Variants in ADAMTSL1 observed in about 807,000 individuals in gnomAD.
ADAMTSL1 encodes the protein ADAMTS like 1, also known as ADAMTS-like protein 1.
In ADAMTSL1, 126 loss-of-function variants were observed where a neutral mutation model predicts 201.8. The observed-to-expected ratio is 0.62, with a 90% CI of 0.54 to 0.72. The LOEUF (loss-of-function observed/expected upper bound fraction) is 0.72, where lower values mean the gene tolerates loss of function less well. ADAMTSL1 is among the 30% of genes least tolerant of loss of function. The probability of loss-of-function intolerance (pLI) is 0.00; values close to 1 mark genes in which losing one functional copy is unlikely to be tolerated. For synonymous variants in ADAMTSL1, 1,121 were observed against 903.4 expected (o/e 1.24, Z -4.32); for missense variants, 2,679 against 2,277.8 (o/e 1.18, Z -3.59).
In ADAMTSL1 at chr9:18,905,783, G is replaced by T. The variant is rs1003280833; in HGVS notation, c.4853G>T (p.Cys1618Phe). The change falls in exon 27 of 29, where the codon TGC becomes TTC. Residue 1618 changes from cysteine to phenylalanine, a missense_variant and splice_region_variant. By Grantham distance (205) the Cys-to-Phe change is radical. Transcript: ENST00000380548. ...ATGTTACCTTTTTCTGCTTTCCAGT[G>T]CAATGGGCCTTGCATCGGGCCTCAC... The part of the protein sequence containing the change: ...VEWAFSSWGQ[C>F]NGPCIGPHLA... 6.2e-7 allele frequency: 1 copy of T among 1,612,238 alleles called. No homozygotes were observed. Among genetic ancestry groups the T allele is most frequent in the Admixed American group, 1.7e-5 (1 of 59,862 alleles).
At chr9:18,014,650 G>A (rs751419486) in intron 1 of ADAMTSL1, among the ~76,000 whole-genome samples, 2 of 152,066 alleles carry the variant, frequency 1.3e-5, no homozygotes, top group Non-Finnish European at 2.9e-5. Flanking sequence ...AGTTTTAACC[G>A]TAGGTTTCAA....
chr9:18,844,605 GCTGT>G (rs976224191), intron 23 of ADAMTSL1, among the ~76,000 whole-genome samples: 1 of 152,188 alleles, frequency 6.6e-6, no homozygotes, highest in African/African-American at 2.4e-5. Flanking sequence ...AGAGGTTACT[GCTGT>G]CTTTTTGTTT....
At chr9:18,474,597 G>A (rs1821359607) in intron 1 of ADAMTSL1, among the ~76,000 whole-genome samples, 1 of 152,088 alleles carries the variant, frequency 6.6e-6, no homozygotes, top group Non-Finnish European at 1.5e-5. Context: ...CTGTATATAT[G>A]GTGGTGTGTA....
intron 4 of ADAMTSL1, among the ~76,000 whole-genome samples, chr9:18,620,624 C>G (rs1014561899): frequency 6.6e-6 from 1 of 152,170 alleles, no homozygotes; most frequent in Admixed American, 6.5e-5. Context: ...CTTAAGCCAG[C>G]ACATGTTTGG....
At chr9:18,666,993 A>T (rs1178348213) in intron 9 of ADAMTSL1, among the ~76,000 whole-genome samples, 1 of 147,234 alleles carries the variant, frequency 6.8e-6, no homozygotes, top group Non-Finnish European at 1.5e-5. Context: ...TTTTCTCTCC[A>T]AGGCAGTAAT....
intron 2 of ADAMTSL1, among the ~76,000 whole-genome samples, chr9:18,280,988 G>A (rs774647911): frequency 2.0e-5 from 3 of 149,206 alleles, no homozygotes; most frequent in Non-Finnish European, 4.4e-5. Flanking sequence ...TGATCCTTCC[G>A]CCTCAGCCTC....
intron 2 of ADAMTSL1, among the ~76,000 whole-genome samples, chr9:18,189,671 C>G (rs1021289386): frequency 2.6e-5 from 4 of 152,084 alleles, no homozygotes; most frequent in Admixed American, 6.6e-5. Context: ...AGGGTAAAAG[C>G]CTGATAGCAA....
At chr9:18,066,704 A>C (rs1470465528) in intron 1 of ADAMTSL1, among the ~76,000 whole-genome samples, 1 of 152,240 alleles carries the variant, frequency 6.6e-6, no homozygotes, top group Non-Finnish European at 1.5e-5. Flanking sequence ...TCAAAATAGC[A>C]GTGGGTTCAG....
At chr9:18,569,914 G>C (rs1347482266) in intron 3 of ADAMTSL1, among the ~76,000 whole-genome samples, 2 of 152,104 alleles carry the variant, frequency 1.3e-5, no homozygotes, top group Non-Finnish European at 2.9e-5. Flanking sequence ...TCTACATTCA[G>C]TATTCCTTAA....
intron 23 of ADAMTSL1, among the ~76,000 whole-genome samples, chr9:18,830,446 A>G (rs16937127): frequency 0.042 from 6,392 of 152,322 alleles, 202 homozygotes; most frequent in East Asian, 0.17. Context: ...TATTTAGACC[A>G]GCTTTCTGTA....
At chr9:18,217,991 A>G (rs182577936) in intron 2 of ADAMTSL1, among the ~76,000 whole-genome samples, 2 of 152,326 alleles carry the variant, frequency 1.3e-5, no homozygotes, top group Admixed American at 1.3e-4. Context: ...AAATTAAATC[A>G]AAACCAGCTA....
intron 2 of ADAMTSL1, among the ~76,000 whole-genome samples, chr9:18,294,614 T>A (rs189394763): frequency 6.6e-6 from 1 of 152,100 alleles, no homozygotes; most frequent in East Asian, 1.9e-4. Context: ...TTGAACTGAG[T>A]GGGAAGGGAA....
At chr9:18,336,794 G>T (rs1835259690) in intron 2 of ADAMTSL1, among the ~76,000 whole-genome samples, 1 of 152,024 alleles carries the variant, frequency 6.6e-6, no homozygotes, top group Non-Finnish European at 1.5e-5. Flanking sequence ...TTCTATTTTT[G>T]TCTATTTATA....
intron 2 of ADAMTSL1, among the ~76,000 whole-genome samples, chr9:18,248,708 C>T (rs10963536): frequency 0.029 from 4,406 of 152,222 alleles, 77 homozygotes; most frequent in Middle Eastern, 0.041. Context: ...TCGTCCATTG[C>T]GGGGGGCCAT....
Position 18,603,071 on chromosome 9 carries a change from C to T in ADAMTSL1, c.475-19172C>T, listed in dbSNP as rs144378293. ...AATAATATTTTAAAACACCAACTAA[C>T]ATCCACTTACTTTTGTTCTTCTTCA... On this transcript the variant is annotated intron_variant, in intron 4 of 28. Transcript: ENST00000380548. Among the ~76,000 whole-genome samples, 48 of 152,300 alleles carry T rather than the reference C, an allele frequency of 3.2e-4. No individual in the cohort carries two copies. The East Asian group carries it at 9.1e-3, about 29-fold the overall frequency.
At chr9:18,720,184 C>T (rs1462558025) in intron 14 of ADAMTSL1, among the ~76,000 whole-genome samples, 1 of 152,088 alleles carries the variant, frequency 6.6e-6, no homozygotes, top group Non-Finnish European at 1.5e-5. Flanking sequence ...ATATGACAGC[C>T]TCTTAATATT....
At chr9:18,792,766 C>T (rs940009399) in intron 19 of ADAMTSL1, among the ~76,000 whole-genome samples, 1 of 152,188 alleles carries the variant, frequency 6.6e-6, no homozygotes, top group Non-Finnish European at 1.5e-5. Context: ...AATGATATTA[C>T]ATTATGTTGC....
chr9:18,261,528 T>C (rs1013331864), intron 2 of ADAMTSL1, among the ~76,000 whole-genome samples: 1 of 152,228 alleles, frequency 6.6e-6, no homozygotes, highest in African/African-American at 2.4e-5. Context: ...GCTCTGTCTC[T>C]ATTTACTCTA....
chr9:18,719,907 C>G (rs1833230065), intron 14 of ADAMTSL1, among the ~76,000 whole-genome samples: 2 of 152,062 alleles, frequency 1.3e-5, no homozygotes, highest in South Asian at 2.1e-4. Context: ...TCTGATGAAG[C>G]AATGCAGAAA....
Sources: gnomAD v4.1 joint callset for allele counts (sites outside exome capture counted in the v4.1 genomes callset) on GRCh38, gnomAD v4.1.1 for gene constraint, MANE v1.5 for transcripts, NCBI Gene and HGNC (gene_info 2026-07-23, HGNC 2026-07-21) for gene names.